Variants in CNTN5 observed in about 807,000 individuals in gnomAD.
CNTN5 encodes contactin 5.
A neutral mutation model predicts 129.1 loss-of-function variants in CNTN5; 77 were observed. That is an observed-to-expected ratio of 0.60 (90% CI 0.50 to 0.72). The LOEUF (loss-of-function observed/expected upper bound fraction) is 0.72, where lower values mean the gene tolerates loss of function less well. CNTN5 is among the 30% of genes least tolerant of loss of function. CNTN5 has a pLI of 0.00. For synonymous variants in CNTN5, 509 were observed against 465.6 expected (o/e 1.09, Z -1.20); for missense variants, 1,478 against 1,328.8 (o/e 1.11, Z -1.75).
At chr11:100,141,743 G>A (rs1432827054) in intron 13 of CNTN5, among the ~76,000 whole-genome samples, 1 of 152,122 alleles carries the variant, frequency 6.6e-6, no homozygotes, top group East Asian at 1.9e-4. Flanking sequence ...TTTAACTGGT[G>A]ATTAAGTTAG....
At chr11:100,153,833 G>A (rs1947143485) in intron 13 of CNTN5, among the ~76,000 whole-genome samples, 1 of 151,814 alleles carries the variant, frequency 6.6e-6, no homozygotes, top group South Asian at 2.1e-4. Flanking sequence ...TTTATATATG[G>A]AATAGATTAC....
intron 1 of CNTN5, among the ~76,000 whole-genome samples, chr11:99,114,161 A>G (rs867354260): frequency 3.9e-5 from 6 of 152,154 alleles, no homozygotes; most frequent in Non-Finnish European, 7.4e-5. Context: ...TGATACCTCT[A>G]TGAATTTTGA....
intron 3 of CNTN5, among the ~76,000 whole-genome samples, chr11:99,769,216 C>T (rs1944861402): frequency 6.6e-6 from 1 of 152,056 alleles, no homozygotes; most frequent in African/African-American, 2.4e-5. Flanking sequence ...TTCATGACTG[C>T]CTTAAATTCT....
intron 3 of CNTN5, among the ~76,000 whole-genome samples, chr11:99,802,680 G>A (rs898833179): frequency 6.6e-6 from 1 of 152,144 alleles, no homozygotes; most frequent in Non-Finnish European, 1.5e-5. Context: ...GGGATGACAG[G>A]GTGACTCAGC....
chr11:99,135,232 T>C (rs1025579079), intron 1 of CNTN5, among the ~76,000 whole-genome samples: 2 of 151,852 alleles, frequency 1.3e-5, no homozygotes, highest in Admixed American at 1.3e-4. Context: ...TAAATACATA[T>C]AAAAATAAAG....
At chr11:100,054,999 G>C (rs975075049) in intron 9 of CNTN5, among the ~76,000 whole-genome samples, 2 of 126,942 alleles carry the variant, frequency 1.6e-5, no homozygotes, top group African/African-American at 3.0e-5. Context: ...TTCTATACTT[G>C]ATTGCCAGAA....
chr11:99,900,616 G>C (rs1241371419), intron 6 of CNTN5, among the ~76,000 whole-genome samples: 1 of 151,734 alleles, frequency 6.6e-6, no homozygotes, highest in African/African-American at 2.4e-5. Context: ...TTATGTAATA[G>C]ATATTTCTAC....
At chr11:99,961,449 G>A (rs776724618) in intron 8 of CNTN5, among the ~76,000 whole-genome samples, 2 of 152,114 alleles carry the variant, frequency 1.3e-5, no homozygotes, top group African/African-American at 4.8e-5. Context: ...GAAGGATTGA[G>A]TTAAAGTATT....
chr11:99,569,924 G>A (rs1949123787), intron 3 of CNTN5, among the ~76,000 whole-genome samples: 1 of 151,760 alleles, frequency 6.6e-6, no homozygotes, highest in Admixed American at 6.6e-5. Flanking sequence ...TAAAGCCATA[G>A]CAATTATCTT....
chr11:99,868,547 C>T (rs1422461829), intron 6 of CNTN5, among the ~76,000 whole-genome samples: 3 of 152,114 alleles, frequency 2.0e-5, no homozygotes, highest in Non-Finnish European at 4.4e-5. Context: ...CTCCATTTCG[C>T]AAACTATTCA....
At chr11:99,370,610 ACTAATTGTC>A in intron 2 of CNTN5, among the ~76,000 whole-genome samples, 1 of 152,354 alleles carries the variant, frequency 6.6e-6, no homozygotes, top group East Asian at 1.9e-4. Flanking sequence ...AATCACATTT[ACTAATTGTC>A]ACATCTAATT....
intron 1 of CNTN5, among the ~76,000 whole-genome samples, chr11:99,129,569 C>T (rs546494331): frequency 2.6e-5 from 4 of 152,196 alleles, no homozygotes; most frequent in African/African-American, 9.6e-5. Context: ...ATTTATTTAA[C>T]CTAGCAAGAC....
chr11:99,849,980 C>T (rs950974010), intron 6 of CNTN5, among the ~76,000 whole-genome samples: 5 of 152,104 alleles, frequency 3.3e-5, no homozygotes, highest in Admixed American at 1.3e-4. Flanking sequence ...CTTCCTCAGT[C>T]ATCATTTTAG....
At chr11:99,175,393 C>A (rs1311824713) in intron 1 of CNTN5, among the ~76,000 whole-genome samples, 1 of 152,066 alleles carries the variant, frequency 6.6e-6, no homozygotes, top group East Asian at 1.9e-4. Context: ...CAGATAATCA[C>A]AATTGAAGGC....
intron 2 of CNTN5, among the ~76,000 whole-genome samples, chr11:99,341,586 G>A (rs1346385641): frequency 6.6e-6 from 1 of 152,106 alleles, no homozygotes; most frequent in East Asian, 1.9e-4. Context: ...TACCAAACTG[G>A]ATCACTGTGG....
chr11:99,378,338 T>C lies in CNTN5; in HGVS notation c.-71+52854T>C, dbSNP rs142501001. 5.3e-5 allele frequency among the ~76,000 whole-genome samples: 8 copies of C among 152,234 alleles called. No homozygotes were observed. The East Asian group carries it at 1.5e-3, about 29-fold the overall frequency. On this transcript the variant is annotated intron_variant, in intron 2 of 24. Transcript: ENST00000524871. ...TAGTCATCCTACCCACTTTTATTTTTCATCAGCTATATTTCTCTAATAATA... is the reference window on the plus strand; with the variant it reads ...TAGTCATCCTACCCACTTTTATTTTCCATCAGCTATATTTCTCTAATAATA...
chr11:99,470,642 T>G (rs1945134150), intron 2 of CNTN5, among the ~76,000 whole-genome samples: 1 of 152,088 alleles, frequency 6.6e-6, no homozygotes, highest in Non-Finnish European at 1.5e-5. Context: ...CCACAAATAA[T>G]ACACACCTAA....
chr11:99,979,347 T>C (rs558153590), intron 8 of CNTN5, among the ~76,000 whole-genome samples: 7 of 151,954 alleles, frequency 4.6e-5, no homozygotes, highest in Admixed American at 3.3e-4. Flanking sequence ...CACAGAGGAG[T>C]TGACATTTGA....
At chr11:99,999,119 C>G (rs1049128798) in intron 8 of CNTN5, among the ~76,000 whole-genome samples, 24 of 151,924 alleles carry the variant, frequency 1.6e-4, no homozygotes, top group Admixed American at 1.6e-3. Flanking sequence ...GTCTAAAACA[C>G]CAAAAGCAAT....
Sources: gnomAD v4.1 joint callset for allele counts (sites outside exome capture counted in the v4.1 genomes callset) on GRCh38, gnomAD v4.1.1 for gene constraint, MANE v1.5 for transcripts, NCBI Gene and HGNC (gene_info 2026-07-23, HGNC 2026-07-21) for gene names.